Variants in KIF4A observed in about 807,000 individuals in gnomAD.
KIF4A encodes the protein chromosome-associated kinesin KIF4A.
In KIF4A, 7 loss-of-function variants were observed where a neutral mutation model predicts 105.9. The observed-to-expected ratio is 0.07, with a 90% confidence interval of 0.04 to 0.12. The LOEUF (loss-of-function observed/expected upper bound fraction) is 0.12, where lower values mean the gene tolerates loss of function less well. Ranked by LOEUF, KIF4A falls within the 10% of genes least tolerant of loss-of-function variation. KIF4A has a pLI of 1.00. For missense variants in KIF4A, 558 were observed against 929.2 expected (o/e 0.60, Z 5.19); for synonymous variants, 281 against 331.3 (o/e 0.85, Z 1.65).
At chrX:70,318,768 C>G (rs1483077390) in intron 7 of KIF4A, among the ~76,000 whole-genome samples, 1 of 111,823 alleles carries the variant, frequency 8.9e-6, no homozygotes, top group Non-Finnish European at 1.9e-5. Context: ...TGTGTATTTT[C>G]AGTTAAATGC....
intron 5 of KIF4A, among the ~76,000 whole-genome samples, chrX:70,301,209 G>A (rs2085803236): frequency 9.0e-6 from 1 of 111,607 alleles, no homozygotes; most frequent in Non-Finnish European, 1.9e-5. Flanking sequence ...ATAATTGACT[G>A]ATTTCAAAGT....
Position 70,290,515 on chromosome X carries a change from G to A in KIF4A, c.57G>A (p.Leu19=), listed in dbSNP as rs758464865. 2.1e-4 allele frequency: 249 copies of A among 1,209,725 alleles called. No homozygotes were observed. Among genetic ancestry groups the A allele is most frequent in the Non-Finnish European group, 2.7e-4 (246 of 894,945 alleles). ...GAGTGGCGCTGCGTTGTCGCCCTCT[G>A]GTCCCCAAAGAGATTAGCGAGGGCT... The part of the protein sequence containing the change: ...PVRVALRCRP[L]VPKEISEGCQ... Residue 19 remains leucine (L), a synonymous_variant, in exon 2 of 31, where the codon CTG becomes CTA. Transcript: ENST00000374403.
At position 70,297,982 on chromosome X, in the gene KIF4A, CCTT is replaced by C. The variant is rs763177426; in HGVS notation, c.426+798_426+800del. 5.9e-3 allele frequency among the ~76,000 whole-genome samples: 661 copies of C among 111,177 alleles called. 1 individual carries two copies. Among genetic ancestry groups the C allele is most frequent in the Non-Finnish European group, 9.9e-3 (525 of 52,929 alleles). On this transcript the variant is annotated intron_variant, in intron 4 of 30. Transcript: ENST00000374403. ...CAGGGGATTACATCATTAAGATTAG[CCTT>C]CTTGGCCAGGCCCGGTGGTTCACGC... is the stretch of plus-strand genomic sequence containing the variant.
intron 13 of KIF4A, among the ~76,000 whole-genome samples, chrX:70,344,789 G>T (rs1270785488): frequency 9.0e-6 from 1 of 111,564 alleles, no homozygotes; most frequent in Non-Finnish European, 1.9e-5. Flanking sequence ...CCCTGGTCTT[G>T]CCCAGTGTTT....
chrX:70,302,216 A>C, intron 6 of KIF4A, 88 bp from the exon 7 acceptor site: 1 of 1,117,993 alleles, frequency 8.9e-7, no homozygotes, highest in Non-Finnish European at 1.2e-6. Flanking sequence ...GACTTGAAAG[A>C]AAATGAGAGC....
intron 15 of KIF4A, among the ~76,000 whole-genome samples, chrX:70,357,338 A>C (rs1052446432): frequency 8.9e-6 from 1 of 111,796 alleles, no homozygotes; most frequent in Non-Finnish European, 1.9e-5. Context: ...AAACAAAAAA[A>C]CTATAAAACT....
chrX:70,390,727 C>T (rs2086234835), intron 20 of KIF4A, among the ~76,000 whole-genome samples: 1 of 111,655 alleles, frequency 9.0e-6, no homozygotes, highest in Non-Finnish European at 1.9e-5. Context: ...AATCAAGATA[C>T]AGAATAGTTC....
At chrX:70,333,287 T>C (rs1379230984) in intron 9 of KIF4A, among the ~76,000 whole-genome samples, 1 of 96,910 alleles carries the variant, frequency 1.0e-5, no homozygotes, top group Non-Finnish European at 2.0e-5. Context: ...GCCACTGCAC[T>C]CCACCCTGGG....
chrX:70,318,063 C>T (rs942526248), intron 7 of KIF4A, among the ~76,000 whole-genome samples: 9 of 109,322 alleles, frequency 8.2e-5, no homozygotes, highest in South Asian at 4.0e-4. Context: ...TTTTTAGTAG[C>T]GATGGGGTTT....
In KIF4A at chrX:70,344,468, G is replaced by C. The variant is rs774879294; in HGVS notation, c.1431+486G>C. ...TTATTTTTAGAACCATTATAGTAGT[G>C]GCAGGTGTGTTTTGGGGGTGGGGTG... On this transcript the variant is annotated intron_variant, in intron 13 of 30. Coordinates refer to ENST00000374403, the MANE Select transcript of KIF4A (RefSeq NM_012310.5). Among the ~76,000 whole-genome samples, 9 of 111,697 alleles carry C rather than the reference G, an allele frequency of 8.1e-5. No homozygotes were observed. The South Asian group carries it at 3.4e-3, about 43-fold the overall frequency.
At chrX:70,418,778 T>C (rs2086354264) in intron 29 of KIF4A, among the ~76,000 whole-genome samples, 1 of 112,100 alleles carries the variant, frequency 8.9e-6, no homozygotes, top group African/African-American at 3.2e-5. Flanking sequence ...AGTTTCAACC[T>C]GCATCTTCTA....
intron 15 of KIF4A, among the ~76,000 whole-genome samples, chrX:70,365,492 T>G (rs1361407121): frequency 8.9e-6 from 1 of 112,240 alleles, no homozygotes; most frequent in Admixed American, 9.5e-5. Flanking sequence ...CTGCATCTAC[T>G]GAGATAATCA....
At chrX:70,417,229 G>T (rs923128586) in intron 28 of KIF4A, among the ~76,000 whole-genome samples, 1 of 112,294 alleles carries the variant, frequency 8.9e-6, no homozygotes, top group Non-Finnish European at 1.9e-5. Context: ...TCAGCCAGGC[G>T]CGGTGGCTCA....
intron 3 of KIF4A, among the ~76,000 whole-genome samples, chrX:70,295,037 C>G: frequency 8.9e-6 from 1 of 112,474 alleles, no homozygotes; most frequent in Non-Finnish European, 1.9e-5. Flanking sequence ...GTGCTGCAGC[C>G]TGGGTGACAG....
At chrX:70,317,445 C>T (rs2085873546) in intron 7 of KIF4A, among the ~76,000 whole-genome samples, 1 of 110,860 alleles carries the variant, frequency 9.0e-6, no homozygotes, top group African/African-American at 3.3e-5. Context: ...GAAAACAAAA[C>T]ACTTCCAGCA....
chrX:70,290,780 G>A lies in KIF4A; in HGVS notation c.210G>A (p.Ala70=), dbSNP rs755499983. Residue 70 remains alanine, a synonymous_variant, in exon 3 of 31, where the codon GCG becomes GCA. Transcript: ENST00000374403. ...AAGAAGTCTTCAATACAGCAGTAGC[G>A]CCACTCATAAAAGGTGTATTTAAAG... ...EQEEVFNTAV[A]PLIKGVFKGY... is the part of the protein sequence containing the mutation. The A allele has an allele frequency of 1.8e-5, 22 of 1,192,468 alleles. No homozygotes were observed. The highest frequency in any genetic ancestry group is 2.3e-4 in the Middle Eastern group (1 of 4,339).
intron 16 of KIF4A, 25 bp downstream of exon 16, chrX:70,374,279 A>G: frequency 1.0e-6 from 1 of 998,864 alleles, no homozygotes; most frequent in Admixed American, 2.2e-5. Context: ...AATAAATGTT[A>G]TTTCAAGTCC....
At chrX:70,336,586 AC>A (rs2085951518) in intron 10 of KIF4A, among the ~76,000 whole-genome samples, 1 of 110,928 alleles carries the variant, frequency 9.0e-6, no homozygotes, top group Non-Finnish European at 1.9e-5. Flanking sequence ...GTGTTGTTTT[AC>A]TTTGTATTTC....
chrX:70,403,396 T>A (rs1418287550), intron 23 of KIF4A, among the ~76,000 whole-genome samples: 1 of 112,648 alleles, frequency 8.9e-6, no homozygotes, highest in Admixed American at 9.4e-5. Context: ...GTGTAGGATA[T>A]GTAGCCTGAA....
Sources: allele counts gnomAD v4.1 joint callset (sites outside exome capture counted in the v4.1 genomes callset), GRCh38; gene constraint gnomAD v4.1.1; transcripts MANE v1.5; gene names NCBI Gene and HGNC (gene_info 2026-07-23, HGNC 2026-07-21).